MEOX2: variants seen among roughly 807,000 people sequenced by gnomAD.
MEOX2 encodes the protein homeobox protein MOX-2.
MEOX2 carries 11 observed loss-of-function variants against 27.0 expected under a neutral mutation model. The observed-to-expected ratio is 0.41, with a 90% CI of 0.26 to 0.68. The LOEUF is 0.68. MEOX2 is among the 30% of genes least tolerant of loss of function. The probability of loss-of-function intolerance (pLI) is 0.33; values close to 1 mark genes in which losing one functional copy is unlikely to be tolerated. For synonymous variants in MEOX2, 189 were observed against 155.4 expected (o/e 1.22, Z -1.61); for missense variants, 436 against 385.4 (o/e 1.13, Z -1.10).
intron 1 of MEOX2, among the ~76,000 whole-genome samples, chr7:15,655,161 T>G (rs1694098584): frequency 6.6e-6 from 1 of 151,664 alleles, no homozygotes; most frequent in South Asian, 2.1e-4. Context: ...TCAAATTTAT[T>G]TGAGTGGAAT....
intron 1 of MEOX2, chr7:15,680,540 T>C (rs762554986): frequency 6.6e-6 from 1 of 151,968 alleles, no homozygotes; most frequent in Non-Finnish European, 1.5e-5. Flanking sequence ...AGGAGTAATG[T>C]AGAGAGTTTT....
chr7:15,684,345 T>A (rs1782341140), intron 1 of MEOX2, among the ~76,000 whole-genome samples: 1 of 152,218 alleles, frequency 6.6e-6, no homozygotes, highest in South Asian at 2.1e-4. Flanking sequence ...CTAATAAAAA[T>A]TGAAACCTTT....
At chr7:15,674,054 A>G (rs535057998) in intron 1 of MEOX2, among the ~76,000 whole-genome samples, 6 of 152,304 alleles carry the variant, frequency 3.9e-5, no homozygotes, top group South Asian at 2.1e-4. Context: ...CTATAGATAG[A>G]TATAATATTA....
At chr7:15,644,632 C>A (rs1781615323) in intron 1 of MEOX2, among the ~76,000 whole-genome samples, 1 of 152,140 alleles carries the variant, frequency 6.6e-6, no homozygotes, top group Non-Finnish European at 1.5e-5. Context: ...GTGCTCTGGA[C>A]ATGATTTGGA....
At chr7:15,619,629 T>G (rs1381830983) in intron 2 of MEOX2, among the ~76,000 whole-genome samples, 3 of 151,998 alleles carry the variant, frequency 2.0e-5, no homozygotes, top group African/African-American at 4.8e-5. Flanking sequence ...CATACACACA[T>G]ATACACAGAT....
intron 1 of MEOX2, among the ~76,000 whole-genome samples, chr7:15,667,413 A>T (rs576250331): frequency 6.6e-6 from 1 of 151,488 alleles, no homozygotes; most frequent in East Asian, 2.0e-4. Context: ...CTGCATTATT[A>T]TACCCTCTGT....
chr7:15,638,887 G>A (rs1363168128), intron 1 of MEOX2, among the ~76,000 whole-genome samples: 1 of 152,044 alleles, frequency 6.6e-6, no homozygotes, highest in Non-Finnish European at 1.5e-5. Context: ...AACTGTTGAT[G>A]GACATTTAGG....
intron 1 of MEOX2, among the ~76,000 whole-genome samples, chr7:15,670,094 C>A (rs891708223): frequency 5.3e-5 from 8 of 152,130 alleles, no homozygotes; most frequent in African/African-American, 1.9e-4. Flanking sequence ...CTTACATTAA[C>A]TTCCATTGTT....
chr7:15,669,599 T>C (rs1017677222), intron 1 of MEOX2, among the ~76,000 whole-genome samples: 3 of 152,228 alleles, frequency 2.0e-5, no homozygotes, highest in African/African-American at 7.2e-5. Flanking sequence ...GTCAAAACTC[T>C]GCAGTCGTGG....
intron 1 of MEOX2, among the ~76,000 whole-genome samples, chr7:15,660,032 A>C (rs1479990971): frequency 6.6e-6 from 1 of 152,202 alleles, no homozygotes; most frequent in African/African-American, 2.4e-5. Context: ...GCAATGATCT[A>C]TAATATCATT....
At chr7:15,660,722 C>T (rs983520981) in intron 1 of MEOX2, among the ~76,000 whole-genome samples, 26 of 152,188 alleles carry the variant, frequency 1.7e-4, no homozygotes, top group Non-Finnish European at 3.2e-4. Context: ...GTCACCATTG[C>T]TTTAAAAATG....
chr7:15,618,933 T>C (rs369342897), intron 2 of MEOX2, among the ~76,000 whole-genome samples: 40 of 151,810 alleles, frequency 2.6e-4, no homozygotes, highest in African/African-American at 9.7e-4. Flanking sequence ...TCATAAAAAA[T>C]TGGAAGTGAC....
At chr7:15,648,220 T>C (rs1485198263) in intron 1 of MEOX2, among the ~76,000 whole-genome samples, 1 of 152,080 alleles carries the variant, frequency 6.6e-6, no homozygotes. Flanking sequence ...ATGAACAGCA[T>C]GAATAAATAT....
intron 1 of MEOX2, among the ~76,000 whole-genome samples, chr7:15,658,698 C>G (rs1164357189): frequency 6.6e-6 from 1 of 152,056 alleles, no homozygotes; most frequent in African/African-American, 2.4e-5. Flanking sequence ...CCCTGAGGAA[C>G]AGGATTTGCA....
intron 1 of MEOX2, 117 bp downstream of exon 1, chr7:15,685,767 AGG>A: frequency 7.3e-7 from 1 of 1,375,436 alleles, no homozygotes; most frequent in East Asian, 2.3e-5. Flanking sequence ...GAAGCCACAG[AGG>A]GCAACACATT....
At chr7:15,685,642 A>T (rs2115400828) in intron 1 of MEOX2, among the ~76,000 whole-genome samples, 1 of 152,312 alleles carries the variant, frequency 6.6e-6, no homozygotes, top group Middle Eastern at 3.4e-3. Flanking sequence ...CCTTCTGGTA[A>T]ACTAGTTTAG....
chr7:15,685,875 C>A lies in MEOX2; in HGVS notation c.517+11G>T, dbSNP rs749200538. The A allele has an allele frequency of 3.5e-5, 55 of 1,574,312 alleles. No homozygotes were observed. The highest frequency in any genetic ancestry group is 4.6e-5 in the Non-Finnish European group (54 of 1,161,968). On this transcript the variant is annotated intron_variant, in intron 1 of 2. Coordinates refer to ENST00000262041, the MANE Select transcript of MEOX2 (RefSeq NM_005924.5). ...GGCGCGCACTCTCGAGGGTGCCTGG[C>A]GCGCCCTTACCTGAGCTGTCGCTTT...
At chr7:15,650,281 T>C (rs1781715046) in intron 1 of MEOX2, among the ~76,000 whole-genome samples, 2 of 152,104 alleles carry the variant, frequency 1.3e-5, no homozygotes, top group South Asian at 4.1e-4. Context: ...GCTTTCCACT[T>C]TTCTCCATAC....
chr7:15,622,274 T>A (rs1781233154), intron 2 of MEOX2, among the ~76,000 whole-genome samples: 3 of 152,172 alleles, frequency 2.0e-5, no homozygotes, highest in Non-Finnish European at 4.4e-5. Context: ...CATATATATC[T>A]GTGTATATGT....
Sources: gnomAD v4.1 joint callset for allele counts (sites outside exome capture counted in the v4.1 genomes callset) on GRCh38, gnomAD v4.1.1 for gene constraint, MANE v1.5 for transcripts, NCBI Gene and HGNC (gene_info 2026-07-23, HGNC 2026-07-21) for gene names.